GABRP: variants seen among roughly 807,000 people sequenced by gnomAD.
GABRP encodes gamma-aminobutyric acid type A receptor subunit pi.
Under a neutral mutation model 47.8 loss-of-function variants are expected in GABRP, and 52 were observed. The observed-to-expected ratio is 1.09, with a 90% CI of 0.87 to 1.37. The LOEUF is 1.37. Among genes scored for constraint, GABRP ranks in the 40% most tolerant of loss-of-function variants. GABRP has a pLI of 0.00. For synonymous variants in GABRP, 221 were observed against 205.8 expected, an observed-to-expected ratio of 1.07 and a Z score of -0.63; for missense variants, 525 against 542.8, an observed-to-expected ratio of 0.97 and a Z score of 0.33.
At chr5:170,806,391 T>C (rs1179445092) in intron 7 of GABRP, among the ~76,000 whole-genome samples, 2 of 152,238 alleles carry the variant, frequency 1.3e-5, no homozygotes, top group Non-Finnish European at 2.9e-5. Flanking sequence ...CACTTCCTTA[T>C]GATAATATTA....
At chr5:170,806,880 A>G (rs1195951999) in intron 7 of GABRP, among the ~76,000 whole-genome samples, 1 of 151,784 alleles carries the variant, frequency 6.6e-6, no homozygotes, top group African/African-American at 2.4e-5. Context: ...TTTTCTCTCT[A>G]CTTTTCTTAT....
intron 7 of GABRP, among the ~76,000 whole-genome samples, chr5:170,807,068 T>G (rs1438822766): frequency 6.6e-6 from 1 of 152,000 alleles, no homozygotes; most frequent in Non-Finnish European, 1.5e-5. Flanking sequence ...CCCACCTCAG[T>G]CTCACTGGTA....
intron 6 of GABRP, among the ~76,000 whole-genome samples, chr5:170,805,498 T>C (rs1225720646): frequency 6.6e-6 from 1 of 152,180 alleles, no homozygotes. Context: ...CAAGACCAGC[T>C]CTCAATTGAC....
chr5:170,801,857 G>GT (rs199963840), intron 6 of GABRP, among the ~76,000 whole-genome samples: 1,410 of 38,660 alleles, frequency 0.036, 25 homozygotes, highest in African/African-American at 0.28. Flanking sequence ...AAAAGTAATG[G>GT]GGGGGGGGTC....
chr5:170,812,331 C>T lies in GABRP; in HGVS notation c.*73C>T. ...TAATGATGTAAATGGTATTTTAGGCCAAGTGTGCACCCACATCCAATGGTG... is the reference window on the plus strand; with the variant it reads ...TAATGATGTAAATGGTATTTTAGGCTAAGTGTGCACCCACATCCAATGGTG... On this transcript the variant is annotated 3_prime_UTR_variant, in exon 10 of 10. Coordinates refer to ENST00000265294, the MANE Select transcript of GABRP (RefSeq NM_014211.3). 3.4e-6 allele frequency: 4 copies of T among 1,172,026 alleles called. No homozygotes were observed. Among genetic ancestry groups the T allele is most frequent in the Non-Finnish European group, 3.7e-6 (3 of 813,358 alleles). 72.6% of individuals were successfully genotyped at this position (1,172,026 alleles called of 1,614,324 possible). A position where few individuals can be genotyped will look rare whatever the true frequency, so the allele number is the denominator to read the frequency against.
chr5:170,786,969 G>C (rs996647412), intron 1 of GABRP, among the ~76,000 whole-genome samples: 2 of 149,670 alleles, frequency 1.3e-5, no homozygotes, highest in African/African-American at 2.5e-5. Flanking sequence ...GAGAAGAAAT[G>C]GGGGGGGACT....
intron 1 of GABRP, 76 bp from the exon 2 acceptor site, chr5:170,788,498 A>G: frequency 1.0e-6 from 1 of 964,232 alleles, no homozygotes; most frequent in East Asian, 2.4e-5. Context: ...CCGACCACCC[A>G]CCAGAGAGAG....
Position 170,789,255 on chromosome 5 carries a change from A to G in GABRP, c.172+8A>G, listed in dbSNP as rs766004118. ...TCAGGCCCAATTTTGGTGGTAGGTC[A>G]TCCTCTGTGTCCAGGACATCATTCA... On this transcript the variant is annotated splice_region_variant and intron_variant, in intron 3 of 9. Coordinates refer to ENST00000265294, the MANE Select transcript of GABRP (RefSeq NM_014211.3). 1.9e-6 allele frequency: 3 copies of G among 1,554,024 alleles called. No homozygotes were observed. Among genetic ancestry groups the G allele is most frequent in the Admixed American group, 3.4e-5 (2 of 59,630 alleles).
In GABRP at chr5:170,788,680, T is replaced by C. The variant is rs761299018; in HGVS notation, c.53+12T>C. 49 of 1,613,592 alleles carry C rather than the reference T, an allele frequency of 3.0e-5. No homozygotes were observed. Among genetic ancestry groups the C allele is most frequent in the Non-Finnish European group, 5.1e-6 (6 of 1,179,690 alleles). On this transcript the variant is annotated intron_variant, in intron 2 of 9. Coordinates refer to ENST00000265294, the MANE Select transcript of GABRP (RefSeq NM_014211.3). Reference sequence around the variant, plus strand: ...CTCTTCACTGAGAGGTGAGCTTTGCTACCCCCAGAATGGCCTCCATCTGCG... The same window carrying C: ...CTCTTCACTGAGAGGTGAGCTTTGCCACCCCCAGAATGGCCTCCATCTGCG...
chr5:170,803,081 T>A (rs1301590971), intron 6 of GABRP, among the ~76,000 whole-genome samples: 2 of 152,136 alleles, frequency 1.3e-5, no homozygotes, highest in East Asian at 3.9e-4. Flanking sequence ...ATTTTTTTTT[T>A]AATGTGGGAT....
intron 6 of GABRP, among the ~76,000 whole-genome samples, chr5:170,802,599 C>T (rs1051442691): frequency 6.6e-6 from 1 of 152,202 alleles, no homozygotes; most frequent in African/African-American, 2.4e-5. Context: ...TATTACCTTC[C>T]GTGTATCGTG....
Position 170,788,643 on chromosome 5 carries a change from G to A in GABRP, c.28G>A (p.Val10Met), listed in dbSNP as rs76296815. ...GAACTACAGCCTCCACTTGGCCTTCGTGTGTCTGAGTCTCTTCACTGAGAG... is the reference window on the plus strand; with the variant it reads ...GAACTACAGCCTCCACTTGGCCTTCATGTGTCTGAGTCTCTTCACTGAGAG... MNYSLHLAF[V>M]CLSLFTERMC... The change falls in exon 2 of 10, where the codon GTG (valine) becomes ATG (methionine). Residue 10 changes from valine to methionine, a missense_variant. Val to Met is a conservative substitution (Grantham distance 21). Transcript: ENST00000265294. 8,667 of 1,614,048 alleles carry A rather than the reference G, an allele frequency of 5.4e-3. 33 individuals carry two copies. Among genetic ancestry groups the A allele is most frequent in the Non-Finnish European group, 6.6e-3 (7,808 of 1,179,982 alleles).
chr5:170,783,583 G>A (rs188587321), upstream of GABRP: 6 of 151,766 alleles, frequency 4.0e-5, no homozygotes, highest in East Asian at 1.2e-3. Context: ...AGGAGCTGAC[G>A]ATCTCCAGAA....
At chr5:170,797,300 C>T (rs1054963003) in intron 5 of GABRP, among the ~76,000 whole-genome samples, 166 bp from the exon 6 acceptor site, 1 of 152,248 alleles carries the variant, frequency 6.6e-6, no homozygotes, top group African/African-American at 2.4e-5. Flanking sequence ...CTCATGCACA[C>T]ATTCTTTAGC....
chr5:170,785,504 G>A (rs143637484), intron 1 of GABRP, among the ~76,000 whole-genome samples: 2 of 152,238 alleles, frequency 1.3e-5, no homozygotes, highest in East Asian at 1.9e-4. Flanking sequence ...AAAATGAGAC[G>A]TGTTTAGCAA....
At chr5:170,799,921 G>A (rs1265268411) in intron 6 of GABRP, among the ~76,000 whole-genome samples, 1 of 152,140 alleles carries the variant, frequency 6.6e-6, no homozygotes, top group Non-Finnish European at 1.5e-5. Context: ...ACTACCCAAG[G>A]AAATTTATAG....
chr5:170,789,225 A>G lies in GABRP; in HGVS notation c.150A>G (p.Lys50=), dbSNP rs371029333. Residue 50 remains lysine, a synonymous_variant, in exon 3 of 10, where the codon AAA becomes AAG. Coordinates refer to ENST00000265294, the MANE Select transcript of GABRP (RefSeq NM_014211.3). ...GFENLTAGYN[K]FLRPNFGGEP... ...AGAACCTCACAGCAGGATATAACAA[A>G]TTTCTCAGGCCCAATTTTGGTGGTA... 1.9e-6 allele frequency: 3 copies of G among 1,613,570 alleles called. No homozygotes were observed. The highest frequency in any genetic ancestry group is 2.7e-5 in the African/African-American group (2 of 74,878).
intron 6 of GABRP, among the ~76,000 whole-genome samples, chr5:170,802,468 T>C (rs545381656): frequency 2.6e-5 from 4 of 152,312 alleles, no homozygotes; most frequent in African/African-American, 9.6e-5. Flanking sequence ...AAAAACAGAT[T>C]AATTATCTTA....
intron 1 of GABRP, among the ~76,000 whole-genome samples, chr5:170,786,822 C>T (rs753678225): frequency 2.0e-5 from 3 of 152,094 alleles, no homozygotes; most frequent in Non-Finnish European, 4.4e-5. Context: ...AAAAAGTAAG[C>T]CGCAAAAAGC....
Sources: gnomAD v4.1 joint callset for allele counts (sites outside exome capture counted in the v4.1 genomes callset) on GRCh38, gnomAD v4.1.1 for gene constraint, MANE v1.5 for transcripts, NCBI Gene and HGNC (gene_info 2026-07-23, HGNC 2026-07-21) for gene names.